The following SLA variants were observed in gnomAD, a reference collection of about 807,000 sequenced individuals.
The protein encoded by SLA is src-like-adapter.
Under a neutral mutation model 30.3 loss-of-function variants are expected in SLA, and 16 were observed. The ratio of observed to expected loss-of-function variants is 0.53; its 90% CI spans 0.36 to 0.80. The LOEUF is 0.80. Among genes scored for constraint, SLA ranks in the 30% least tolerant of loss-of-function variants. The pLI is 0.01. For missense variants in SLA, 310 were observed against 345.2 expected (o/e 0.90, Z 0.81); for synonymous variants, 143 against 137.8 (o/e 1.04, Z -0.26).
intron 1 of SLA, among the ~76,000 whole-genome samples, chr8:133,094,093 T>C (rs1848024433): frequency 6.6e-6 from 1 of 152,136 alleles, no homozygotes; most frequent in Admixed American, 6.5e-5. Context: ...GGATGCACCC[T>C]GGAACTGCAC....
chr8:133,038,971 A>G (rs935367690), intron 8 of SLA, among the ~76,000 whole-genome samples: 4 of 152,160 alleles, frequency 2.6e-5, no homozygotes, highest in African/African-American at 9.7e-5. Context: ...TCTGCCTCCC[A>G]GGCTCAAGCG....
chr8:133,083,767 G>A (rs1846086825), intron 1 of SLA, among the ~76,000 whole-genome samples: 1 of 152,068 alleles, frequency 6.6e-6, no homozygotes, highest in South Asian at 2.1e-4. Context: ...GTGTGATGTG[G>A]GTTCCAGAAT....
chr8:133,075,268 T>C (rs888909738), intron 1 of SLA, 138 bp from the exon 2 acceptor site: 3 of 315,458 alleles, frequency 9.5e-6, no homozygotes, highest in Non-Finnish European at 1.4e-5. Context: ...GTGAATTTGC[T>C]CTTGTACATC....
intron 1 of SLA, among the ~76,000 whole-genome samples, chr8:133,076,400 C>G (rs1420353253): frequency 2.0e-5 from 3 of 152,220 alleles, no homozygotes; most frequent in Non-Finnish European, 2.9e-5. Flanking sequence ...CTAAATTTAG[C>G]AGGCAGGCAC....
chr8:133,055,363 G>GCACACACACACA (rs1219639810), intron 3 of SLA, among the ~76,000 whole-genome samples: 3 of 31,984 alleles, frequency 9.4e-5, no homozygotes, highest in Non-Finnish European at 1.2e-4. Context: ...ACACGCACGC[G>GCACACACACACA]CGCACACACA....
intron 6 of SLA, among the ~76,000 whole-genome samples, chr8:133,046,939 T>C (rs1041432095): frequency 1.4e-4 from 22 of 152,364 alleles, no homozygotes; most frequent in African/African-American, 4.8e-4. Flanking sequence ...GTGTGTTTTC[T>C]CTTCTTTGAT....
At chr8:133,058,164 G>A (rs773263868) in intron 3 of SLA, among the ~76,000 whole-genome samples, 10 of 152,174 alleles carry the variant, frequency 6.6e-5, no homozygotes, top group Non-Finnish European at 7.3e-5. Flanking sequence ...TCACTGCACC[G>A]CCTTCCCCTC....
At chr8:133,038,846 A>C in intron 8 of SLA, 109 bp from the exon 9 acceptor site, 1 of 650,670 alleles carries the variant, frequency 1.5e-6, no homozygotes, top group Non-Finnish European at 2.7e-6. Flanking sequence ...AAAAACAAAA[A>C]TCCTGGTGAC....
intron 2 of SLA, among the ~76,000 whole-genome samples, chr8:133,070,676 C>T (rs776212868): frequency 6.6e-6 from 1 of 152,178 alleles, no homozygotes; most frequent in Non-Finnish European, 1.5e-5. Context: ...CTCCTAATTC[C>T]TTCAGTAATA....
At chr8:133,065,995 G>C (rs559843809) in intron 2 of SLA, among the ~76,000 whole-genome samples, 4 of 152,164 alleles carry the variant, frequency 2.6e-5, no homozygotes, top group Admixed American at 2.6e-4. Context: ...GAGGCCAGTT[G>C]AGGCATGCTG....
intron 2 of SLA, among the ~76,000 whole-genome samples, chr8:133,064,928 A>G (rs1276011561): frequency 1.3e-5 from 2 of 152,136 alleles, no homozygotes; most frequent in Admixed American, 6.5e-5. Context: ...CAAATTGAGG[A>G]AGTCCAACCA....
intron 1 of SLA, among the ~76,000 whole-genome samples, chr8:133,093,349 G>T (rs1329736078): frequency 6.6e-6 from 1 of 150,550 alleles, no homozygotes; most frequent in Non-Finnish European, 1.5e-5. Flanking sequence ...TGGGAGTTAG[G>T]ATTCTTCTCT....
chr8:133,050,948 A>G, intron 3 of SLA, 33 bp from the exon 4 acceptor site: 1 of 1,328,164 alleles, frequency 7.5e-7, no homozygotes, highest in South Asian at 1.2e-5. Flanking sequence ...GAAGGGGGCA[A>G]GGTGCTTTTT....
At chr8:133,039,806 G>T (rs1587836307) in intron 8 of SLA, among the ~76,000 whole-genome samples, 192 bp downstream of exon 8, 1 of 152,112 alleles carries the variant, frequency 6.6e-6, no homozygotes, top group South Asian at 2.1e-4. Context: ...GCCTGAAGCT[G>T]CCCCTGCACC....
At chr8:133,047,663 TC>T in intron 6 of SLA, 166 bp downstream of exon 6, 1 of 636,936 alleles carries the variant, frequency 1.6e-6, no homozygotes, top group South Asian at 1.7e-5. Flanking sequence ...TCCCCTTGCT[TC>T]CCCACTGGCC....
chr8:133,039,909 C>A, intron 8 of SLA, 89 bp downstream of exon 8: 1 of 1,498,122 alleles, frequency 6.7e-7, no homozygotes, highest in Non-Finnish European at 8.9e-7. Flanking sequence ...ATGTGCTCGG[C>A]ACACACACCG....
intron 1 of SLA, among the ~76,000 whole-genome samples, chr8:133,093,177 TA>T (rs1310374088): frequency 6.6e-6 from 1 of 151,898 alleles, no homozygotes; most frequent in African/African-American, 2.4e-5. Context: ...CAATGGTTCT[TA>T]AAAAAAGCTG....
At position 133,047,917 on chromosome 8, in the gene SLA, G is replaced by A. The variant is rs1209026264; in HGVS notation, c.265C>T (p.Leu89=). Residue 89 remains leucine, a synonymous_variant, in exon 6 of 9, where the codon CTG becomes TTG. Transcript: ENST00000338087. ...AGCTCCTCGGCCTTGTCTCTGCCCAGGCCCTCAAACAGCCAGCTGGGAAGG... is the reference window on the plus strand; with the variant it reads ...AGCTCCTCGGCCTTGTCTCTGCCCAAGCCCTCAAACAGCCAGCTGGGAAGG... The part of the protein sequence containing the change: ...RVYHGWLFEG[L]GRDKAEELLQ... The A allele has an allele frequency of 2.5e-6, 4 of 1,610,038 alleles. No homozygotes were observed. In the East Asian group the frequency reaches 6.7e-5, roughly 27 times the overall value.
chr8:133,099,811 A>G (rs965776040), intron 1 of SLA, among the ~76,000 whole-genome samples: 1 of 151,980 alleles, frequency 6.6e-6, no homozygotes. Context: ...ATGTATCCCA[A>G]ATCCAAACCC....
Sources: allele counts gnomAD v4.1 joint callset (sites outside exome capture counted in the v4.1 genomes callset), GRCh38; gene constraint gnomAD v4.1.1; transcripts MANE v1.5; gene names NCBI Gene and HGNC (gene_info 2026-07-23, HGNC 2026-07-21).